Variants in NETO1 observed in about 807,000 individuals in gnomAD.
NETO1 encodes the protein neuropilin and tolloid-like protein 1.
In NETO1, 26 loss-of-function variants were observed where a neutral mutation model predicts 61.3. That is an observed-to-expected ratio of 0.42 (90% CI 0.31 to 0.59). The LOEUF (loss-of-function observed/expected upper bound fraction) is 0.59. NETO1 is among the 20% of genes least tolerant of loss of function. The pLI, the probability that NETO1 is intolerant of heterozygous loss-of-function variation, is 0.12. For synonymous variants in NETO1, 225 were observed against 225.8 expected (o/e 1.00, Z 0.03); for missense variants, 531 against 662.8 (o/e 0.80, Z 2.18).
intron 7 of NETO1, among the ~76,000 whole-genome samples, chr18:72,766,291 T>A (rs1173237402): frequency 2.6e-5 from 4 of 151,202 alleles, no homozygotes; most frequent in African/African-American, 9.7e-5. Flanking sequence ...TGTGGTACTC[T>A]ACACAAACAA....
chr18:72,811,691 G>A (rs2072872354), intron 4 of NETO1, among the ~76,000 whole-genome samples: 1 of 152,132 alleles, frequency 6.6e-6, no homozygotes, highest in South Asian at 2.1e-4. Context: ...CGTAGTCCCA[G>A]CTACTTGGGA....
At chr18:72,832,183 A>G (rs2073603684) in intron 4 of NETO1, among the ~76,000 whole-genome samples, 1 of 152,176 alleles carries the variant, frequency 6.6e-6, no homozygotes, top group Non-Finnish European at 1.5e-5. Flanking sequence ...CCAATTTCCT[A>G]ATTCTTAAAA....
chr18:72,817,675 G>A (rs80141405), intron 4 of NETO1, among the ~76,000 whole-genome samples: 584 of 152,350 alleles, frequency 3.8e-3, no homozygotes, highest in Admixed American at 6.1e-3. Flanking sequence ...TAGGCCTAGT[G>A]ACTCATTTCT....
At chr18:72,749,291 ATAAAC>A (rs2070512343) in intron 9 of NETO1, among the ~76,000 whole-genome samples, 1 of 152,214 alleles carries the variant, frequency 6.6e-6, no homozygotes, top group Non-Finnish European at 1.5e-5. Flanking sequence ...GATTTATAAA[ATAAAC>A]TAAATGCTAG....
intron 7 of NETO1, among the ~76,000 whole-genome samples, chr18:72,776,329 G>A (rs1473404152): frequency 2.0e-5 from 3 of 152,188 alleles, no homozygotes; most frequent in Non-Finnish European, 4.4e-5. Flanking sequence ...AAGCCGTTAG[G>A]TATTTGTCCC....
rs77720154 is a variant in NETO1 at position 72,792,449 on chromosome 18, C to T, written c.639+1668G>A. Among the ~76,000 whole-genome samples the T allele has an allele frequency of 6.6e-3, 1,004 of 151,744 alleles. 11 individuals carry two copies. Among genetic ancestry groups the T allele is most frequent in the African/African-American group, 0.023 (937 of 41,430 alleles). ...CAAACAAAATAAAAAACAACAAAAA[C>T]GGTGCGGAGGGGCTCTTCTTTTCCC... is the stretch of plus-strand genomic sequence containing the variant. On this transcript the variant is annotated intron_variant, in intron 6 of 10. Coordinates refer to ENST00000327305, the MANE Select transcript of NETO1 (RefSeq NM_138966.5).
At chr18:72,767,724 C>A (rs1311146278) in intron 7 of NETO1, among the ~76,000 whole-genome samples, 2 of 150,636 alleles carry the variant, frequency 1.3e-5, no homozygotes, top group Non-Finnish European at 3.0e-5. Flanking sequence ...TTAAAAAAAA[C>A]AGGAAGGAAG....
intron 6 of NETO1, among the ~76,000 whole-genome samples, chr18:72,786,685 C>T (rs2071930239): frequency 1.3e-5 from 2 of 152,158 alleles, no homozygotes; most frequent in South Asian, 2.1e-4. Flanking sequence ...CTCCTCCCAA[C>T]ACAATATTTC....
intron 4 of NETO1, among the ~76,000 whole-genome samples, chr18:72,843,167 A>G (rs1343049097): frequency 6.6e-6 from 1 of 152,206 alleles, no homozygotes; most frequent in African/African-American, 2.4e-5. Context: ...AATGCTTTCC[A>G]AAATATTTTA....
At chr18:72,847,384 G>A (rs748390706) in intron 4 of NETO1, among the ~76,000 whole-genome samples, 3 of 152,228 alleles carry the variant, frequency 2.0e-5, no homozygotes, top group Non-Finnish European at 2.9e-5. Context: ...CAGCAGAGCT[G>A]TGGAATGGTG....
At chr18:72,784,576 A>G (rs549949730) in intron 6 of NETO1, among the ~76,000 whole-genome samples, 1 of 152,324 alleles carries the variant, frequency 6.6e-6, no homozygotes, top group South Asian at 2.1e-4. Context: ...CAACAACTCT[A>G]TAAAGTGGCC....
intron 4 of NETO1, among the ~76,000 whole-genome samples, chr18:72,802,818 T>C (rs1601208): frequency 4.6e-5 from 7 of 152,222 alleles, no homozygotes; most frequent in African/African-American, 1.7e-4. Flanking sequence ...AAAAGAATTT[T>C]ACTTAACATC....
chr18:72,842,320 A>G (rs182820855), intron 4 of NETO1, among the ~76,000 whole-genome samples: 7 of 152,310 alleles, frequency 4.6e-5, no homozygotes, highest in Middle Eastern at 3.4e-3. Flanking sequence ...TATGACAACA[A>G]AGAATATTAT....
chr18:72,846,504 CAAAAAAAAAAAAA>C (rs35252443), intron 4 of NETO1, among the ~76,000 whole-genome samples: 5 of 13,006 alleles, frequency 3.8e-4, no homozygotes, highest in Admixed American at 1.7e-3. Context: ...GACTTCATCT[CAAAAAAAAAAAAA>C]AAAAAAAAAA....
chr18:72,786,752 C>T (rs1485373262), intron 6 of NETO1, among the ~76,000 whole-genome samples: 1 of 151,696 alleles, frequency 6.6e-6, no homozygotes, highest in Non-Finnish European at 1.5e-5. Flanking sequence ...GGTATATATG[C>T]ATCTAAAAAT....
chr18:72,747,521 G>C lies in NETO1; in HGVS notation c.*658C>G, dbSNP rs968121260. On this transcript the variant is annotated 3_prime_UTR_variant, in exon 11 of 11. Coordinates refer to ENST00000327305, the MANE Select transcript of NETO1 (RefSeq NM_138966.5). ...ATTTCTGAAACTCAGTACTTTCTTT[G>C]ATATAAAACAAAAAGGAAATCAGGG... 6.6e-6 allele frequency: 1 copy of C among 151,938 alleles called. No individual in the cohort carries two copies. Among genetic ancestry groups the C allele is most frequent in the Non-Finnish European group, 1.5e-5 (1 of 67,930 alleles). 9.4% of individuals were successfully genotyped at this position (151,938 alleles called of 1,614,324 possible).
chr18:72,859,760 A>C (rs1039244399), intron 3 of NETO1, among the ~76,000 whole-genome samples: 1 of 152,022 alleles, frequency 6.6e-6, no homozygotes, highest in Non-Finnish European at 1.5e-5. Context: ...ACTTTCATGG[A>C]TTTTCTTACA....
At chr18:72,812,674 A>G (rs1277046021) in intron 4 of NETO1, among the ~76,000 whole-genome samples, 1 of 152,052 alleles carries the variant, frequency 6.6e-6, no homozygotes, top group South Asian at 2.1e-4. Context: ...TCCTAATTTC[A>G]GTCTTAACAT....
Position 72,867,393 on chromosome 18 carries a change from C to G in NETO1, c.-102G>C. The stretch of plus-strand genomic sequence containing the variant: ...GGACAGGGTCGAGAGGTGTTAAAGA[C>G]GCAAAGCAAGAAGGAAATAAAGGGG... On this transcript the variant is annotated 5_prime_UTR_variant, in exon 1 of 11. Transcript: ENST00000327305. 3 of 869,470 alleles carry G rather than the reference C, an allele frequency of 3.5e-6. No homozygotes were observed. 53.9% of individuals were successfully genotyped at this position (869,470 alleles called of 1,614,324 possible). A position where few individuals can be genotyped will look rare whatever the true frequency, so the allele number is the denominator to read the frequency against.
Sources: gnomAD v4.1 joint callset for allele counts (sites outside exome capture counted in the v4.1 genomes callset) on GRCh38, gnomAD v4.1.1 for gene constraint, MANE v1.5 for transcripts, NCBI Gene and HGNC (gene_info 2026-07-23, HGNC 2026-07-21) for gene names.